STYK1: variants seen among roughly 807,000 people sequenced by gnomAD.
The protein encoded by STYK1 is tyrosine-protein kinase STYK1.
A neutral mutation model predicts 48.1 loss-of-function variants in STYK1; 46 were observed. The ratio of observed to expected loss-of-function variants is 0.96; its 90% CI spans 0.75 to 1.22. The LOEUF is 1.22. Ranked by LOEUF, STYK1 falls within the 50% of genes most tolerant of loss-of-function variation. The probability of loss-of-function intolerance (pLI) is 0.00; values close to 1 mark genes in which losing one functional copy is unlikely to be tolerated. For missense variants in STYK1, 527 were observed against 521.1 expected, an observed-to-expected ratio of 1.01 and a Z score of -0.11; for synonymous variants, 188 against 189.0, an observed-to-expected ratio of 0.99 and a Z score of 0.04.
intron 1 of STYK1, among the ~76,000 whole-genome samples, chr12:10,654,049 C>T (rs974194598): frequency 2.0e-5 from 3 of 152,112 alleles, no homozygotes; most frequent in African/African-American, 7.2e-5. Context: ...CCAAGATGGC[C>T]ATGAAAGTGA....
intron 1 of STYK1, among the ~76,000 whole-genome samples, chr12:10,646,096 A>T (rs1181670169): frequency 6.6e-6 from 1 of 152,190 alleles, no homozygotes; most frequent in Non-Finnish European, 1.5e-5. Flanking sequence ...ATGGATTAAT[A>T]CAGTAAATTG....
intron 1 of STYK1, among the ~76,000 whole-genome samples, chr12:10,671,524 G>A (rs1218935928): frequency 6.6e-6 from 1 of 152,138 alleles, no homozygotes; most frequent in African/African-American, 2.4e-5. Flanking sequence ...CATGAGCCAA[G>A]GACTGTAGCA....
intron 4 of STYK1, among the ~76,000 whole-genome samples, chr12:10,632,392 A>T (rs1460668105): frequency 6.6e-6 from 1 of 152,236 alleles, no homozygotes; most frequent in Admixed American, 6.5e-5. Flanking sequence ...TTGCAAAAGC[A>T]TTAAGCAGGG....
chr12:10,646,089 G>C (rs1242516339), intron 1 of STYK1, among the ~76,000 whole-genome samples: 1 of 152,148 alleles, frequency 6.6e-6, no homozygotes, highest in Non-Finnish European at 1.5e-5. Context: ...CGTGAAAATG[G>C]ATTAATACAG....
intron 1 of STYK1, among the ~76,000 whole-genome samples, chr12:10,646,341 G>A (rs1254105204): frequency 6.6e-6 from 1 of 152,200 alleles, no homozygotes; most frequent in Non-Finnish European, 1.5e-5. Context: ...AAACTTGTTG[G>A]GAACCAGAGC....
At position 10,673,952 on chromosome 12, in the gene STYK1, A is replaced by T. The variant is rs61912185; in HGVS notation, c.-195+14T>A. 0.15 allele frequency: 22,809 copies of T among 148,490 alleles called. 1,930 individuals carry two copies. The highest frequency in any genetic ancestry group is 0.26 in the Middle Eastern group (76 of 292). 9.2% of individuals were successfully genotyped at this position (148,490 alleles called of 1,614,324 possible). A position where few individuals can be genotyped will look rare whatever the true frequency, so the allele number is the denominator to read the frequency against. ...CCTCCCCGCCGCGCCCGCCCCCCAT[A>T]CCCCGTTCACTACCGTGTCCCTCCT... On this transcript the variant is annotated intron_variant, in intron 1 of 10. Coordinates refer to ENST00000075503, the MANE Select transcript of STYK1 (RefSeq NM_018423.3).
intron 1 of STYK1, among the ~76,000 whole-genome samples, chr12:10,646,019 A>C (rs184939011): frequency 6.6e-6 from 1 of 152,180 alleles, no homozygotes; most frequent in East Asian, 1.9e-4. Context: ...TGGAACCGTA[A>C]GTCCATTAAA....
intron 1 of STYK1, among the ~76,000 whole-genome samples, chr12:10,655,581 T>A (rs1219496649): frequency 6.6e-6 from 1 of 152,152 alleles, no homozygotes; most frequent in Non-Finnish European, 1.5e-5. Flanking sequence ...TTTTATCCCC[T>A]CCCCCCATGA....
At chr12:10,645,554 A>C (rs750568699) in intron 1 of STYK1, among the ~76,000 whole-genome samples, 16 of 152,216 alleles carry the variant, frequency 1.1e-4, no homozygotes, top group Non-Finnish European at 1.5e-5. Context: ...ACACACACTG[A>C]AAAACAGAGA....
intron 1 of STYK1, among the ~76,000 whole-genome samples, chr12:10,650,175 G>A (rs567394404): frequency 6.9e-6 from 1 of 145,686 alleles, no homozygotes; most frequent in Non-Finnish European, 1.5e-5. Context: ...CTTCATTGTT[G>A]CTTGCTAAAG....
At chr12:10,662,288 T>TTTTC (rs1470721406) in intron 1 of STYK1, among the ~76,000 whole-genome samples, 5 of 152,212 alleles carry the variant, frequency 3.3e-5, no homozygotes, top group African/African-American at 1.2e-4. Flanking sequence ...ATTTGGATAG[T>TTTTC]TTTCACTTTT....
In STYK1 at chr12:10,620,195, A is replaced by C. The variant is rs754256612; in HGVS notation, c.1218T>G (p.Ala406=). The change falls in exon 11 of 11, where the codon GCT becomes GCG. Residue 406 remains alanine, a synonymous_variant. Coordinates refer to ENST00000075503, the MANE Select transcript of STYK1 (RefSeq NM_018423.3). ...PELVVPELYA[A]VAGIRVESLF... ...GGCTCTCCACTCTGATGCCGGCCAC[A>C]GCTGCATACAGTTCAGGTACCACCA... is the stretch of plus-strand genomic sequence containing the variant. 1.2e-6 allele frequency: 2 copies of C among 1,614,218 alleles called. No individual in the cohort carries two copies. Among genetic ancestry groups the C allele is most frequent in the Non-Finnish European group, 1.7e-6 (2 of 1,180,038 alleles).
At chr12:10,670,044 C>T (rs1293401309) in intron 1 of STYK1, among the ~76,000 whole-genome samples, 3 of 152,154 alleles carry the variant, frequency 2.0e-5, no homozygotes, top group Admixed American at 6.5e-5. Flanking sequence ...TAAATTAGTA[C>T]AACCGTTAGG....
At chr12:10,633,868 C>A in intron 4 of STYK1, 122 bp downstream of exon 4, 1 of 1,227,838 alleles carries the variant, frequency 8.1e-7, no homozygotes. Flanking sequence ...GGAGGGAACC[C>A]ATGCCTCTCT....
intron 1 of STYK1, among the ~76,000 whole-genome samples, chr12:10,660,391 TAGA>T (rs1565573430): frequency 6.6e-6 from 1 of 152,276 alleles, no homozygotes. Flanking sequence ...ACTATTCAGC[TAGA>T]AGAAGTTACA....
Position 10,621,982 on chromosome 12 carries a change from C to T in STYK1, c.968-10G>A, listed in dbSNP as rs777228612. The T allele has an allele frequency of 1.9e-5, 31 of 1,609,440 alleles. No homozygotes were observed. Among genetic ancestry groups the T allele is most frequent in the African/African-American group, 5.4e-5 (4 of 74,754 alleles). ...GGATACGGTGGTGCTCCTGTCATTACGAAAATAATGAGAACTTTAAGGTCC... is the reference window on the plus strand; with the variant it reads ...GGATACGGTGGTGCTCCTGTCATTATGAAAATAATGAGAACTTTAAGGTCC... On this transcript the variant is annotated splice_polypyrimidine_tract_variant and intron_variant, in intron 9 of 10. Coordinates refer to ENST00000075503, the MANE Select transcript of STYK1 (RefSeq NM_018423.3).
At chr12:10,639,390 A>G (rs1947519823) in intron 1 of STYK1, among the ~76,000 whole-genome samples, 1 of 151,968 alleles carries the variant, frequency 6.6e-6, no homozygotes, top group Admixed American at 6.6e-5. Flanking sequence ...TAAGTTATGA[A>G]TTAGTGATTA....
intron 1 of STYK1, among the ~76,000 whole-genome samples, chr12:10,652,267 A>G (rs946669078): frequency 6.6e-6 from 1 of 152,014 alleles, no homozygotes; most frequent in African/African-American, 2.4e-5. Context: ...TCTCACACAC[A>G]TTCTTTCTCT....
chr12:10,649,955 T>C (rs1947642532), intron 1 of STYK1, among the ~76,000 whole-genome samples: 2 of 150,958 alleles, frequency 1.3e-5, no homozygotes, highest in African/African-American at 2.4e-5. Flanking sequence ...TACTAAAAAA[T>C]ACAAAAAAAT....
Sources: allele counts gnomAD v4.1 joint callset (sites outside exome capture counted in the v4.1 genomes callset), GRCh38; gene constraint gnomAD v4.1.1; transcripts MANE v1.5; gene names NCBI Gene and HGNC (gene_info 2026-07-23, HGNC 2026-07-21).